ST8SIA1: variants seen among roughly 807,000 people sequenced by gnomAD.
ST8SIA1 encodes the protein ST8 alpha-N-acetyl-neuraminide alpha-2,8-sialyltransferase 1.
ST8SIA1 carries 16 observed loss-of-function variants against 35.9 expected under a neutral mutation model. The observed-to-expected ratio is 0.45, with a 90% CI of 0.30 to 0.68. ST8SIA1 has a LOEUF of 0.68. Ranked by LOEUF, ST8SIA1 falls within the 30% of genes least tolerant of loss-of-function variation. ST8SIA1 has a pLI of 0.09. For synonymous variants in ST8SIA1, 170 were observed against 169.6 expected (o/e 1.00, Z -0.02); for missense variants, 383 against 453.6 (o/e 0.84, Z 1.41).
Position 22,201,437 on chromosome 12 carries a change from C to T in ST8SIA1, c.*115G>A. ...TGCTTGGATCTTCATTGCTCCTTTC[C>T]TGTTTTTCCAAGGGCCCATGCAAAC... On this transcript the variant is annotated 3_prime_UTR_variant, in exon 5 of 5. Transcript: ENST00000396037. 7.2e-7 allele frequency: 1 copy of T among 1,392,256 alleles called. No homozygotes were observed. Among genetic ancestry groups the T allele is most frequent in the Non-Finnish European group, 9.6e-7 (1 of 1,036,406 alleles). The allele number at this position is 1,392,256 out of a possible 1,614,324, so 86.2% of individuals were successfully genotyped here.
At chr12:22,274,783 A>G (rs756249933) in intron 2 of ST8SIA1, among the ~76,000 whole-genome samples, 1 of 152,184 alleles carries the variant, frequency 6.6e-6, no homozygotes, top group Non-Finnish European at 1.5e-5. Flanking sequence ...ATGTGGGTGC[A>G]AAGGTTTTGG....
Position 22,249,051 on chromosome 12 carries a change from G to C in ST8SIA1, c.539C>G (p.Ser180Cys), listed in dbSNP as rs778864584. 9 of 1,613,860 alleles carry C rather than the reference G, an allele frequency of 5.6e-6. No individual in the cohort carries two copies. In the South Asian group the frequency reaches 9.9e-5, roughly 18 times the overall value. ...LSSEYTKDVG[S>C]KSQLVTANPS... Reference sequence around the variant, plus strand: ...ATTAGCTGTCACTAACTGACTTTTGGATCCAACATCCTTAGTGTATTCACT... The same window carrying C: ...ATTAGCTGTCACTAACTGACTTTTGCATCCAACATCCTTAGTGTATTCACT... Residue 180 changes from serine (S) to cysteine (C), a missense_variant, in exon 4 of 5, where the codon TCC becomes TGC. Transcript: ENST00000396037.
At position 22,334,469 on chromosome 12, in the gene ST8SIA1, G is replaced by A; in HGVS notation, c.-237C>T. On this transcript the variant is annotated 5_prime_UTR_variant, in exon 1 of 5. Coordinates refer to ENST00000396037, the MANE Select transcript of ST8SIA1 (RefSeq NM_003034.4). ...GGGAAGTGGCTGGGGGTGAAGTCAC[G>A]ATCTATGGCCATGGTCGCTTCCCCT... is the stretch of plus-strand genomic sequence containing the variant. The A allele has an allele frequency of 1.7e-6, 1 of 572,268 alleles. No homozygotes were observed. The highest frequency in any genetic ancestry group is 3.1e-6 in the Non-Finnish European group (1 of 320,756). The allele number at this position is 572,268 out of a possible 1,614,324, so 35.4% of individuals were successfully genotyped here.
At chr12:22,287,077 C>T in intron 2 of ST8SIA1, 72 bp downstream of exon 2, 1 of 1,431,720 alleles carries the variant, frequency 7.0e-7, no homozygotes, top group East Asian at 2.3e-5. Context: ...GTAAGGCAAA[C>T]TCAATTATCC....
chr12:22,322,370 T>C (rs749264768), intron 1 of ST8SIA1, among the ~76,000 whole-genome samples: 6 of 152,194 alleles, frequency 3.9e-5, no homozygotes, highest in South Asian at 2.1e-4. Context: ...GCCTGGCACA[T>C]AGAAGGCATC....
At chr12:22,223,566 A>AT in intron 4 of ST8SIA1, 3 of 1,047,598 alleles carry the variant, frequency 2.9e-6, no homozygotes, top group Non-Finnish European at 2.3e-6. Context: ...ACAGGGGCCC[A>AT]TTTTTCAAGC....
chr12:22,214,765 A>C (rs1865217348), intron 4 of ST8SIA1, among the ~76,000 whole-genome samples: 1 of 152,218 alleles, frequency 6.6e-6, no homozygotes, highest in Non-Finnish European at 1.5e-5. Context: ...TTACAGAAAT[A>C]ATCAACAAAT....
chr12:22,301,957 CA>C (rs1170956684), intron 1 of ST8SIA1, among the ~76,000 whole-genome samples: 1 of 151,992 alleles, frequency 6.6e-6, no homozygotes, highest in Non-Finnish European at 1.5e-5. Flanking sequence ...CCATCAAAGC[CA>C]ATATAAAAAG....
chr12:22,285,650 T>A (rs1197665467), intron 2 of ST8SIA1, among the ~76,000 whole-genome samples: 1 of 152,054 alleles, frequency 6.6e-6, no homozygotes, highest in Non-Finnish European at 1.5e-5. Context: ...GGTGGGCAGA[T>A]CACTTGAGGT....
At chr12:22,307,523 C>A in intron 1 of ST8SIA1, among the ~76,000 whole-genome samples, 1 of 152,242 alleles carries the variant, frequency 6.6e-6, no homozygotes, top group East Asian at 1.9e-4. Flanking sequence ...TGGGAAAGGG[C>A]AACTCCTTGC....
intron 1 of ST8SIA1, among the ~76,000 whole-genome samples, chr12:22,307,445 C>T (rs1028834278): frequency 6.6e-6 from 1 of 152,146 alleles, no homozygotes; most frequent in African/African-American, 2.4e-5. Context: ...CAGGATACGA[C>T]CTTTCCTGTC....
chr12:22,310,206 G>A (rs1029898277), intron 1 of ST8SIA1, among the ~76,000 whole-genome samples: 1 of 152,180 alleles, frequency 6.6e-6, no homozygotes, highest in Non-Finnish European at 1.5e-5. Flanking sequence ...CATAGGAAGT[G>A]CCCATCAATA....
Position 22,195,729 on chromosome 12 carries a change from C to T in ST8SIA1, c.*5823G>A, listed in dbSNP as rs1368173086. 6.6e-6 allele frequency: 1 copy of T among 152,194 alleles called. No homozygotes were observed. 9.4% of individuals were successfully genotyped at this position (152,194 alleles called of 1,614,324 possible). On this transcript the variant is annotated 3_prime_UTR_variant, in exon 5 of 5. Transcript: ENST00000396037. ...TGCTGAACTCTCTTCTGAGATCACT[C>T]CCAATCATCTTTTCAAATTAAAACC...
chr12:22,249,480 A>G (rs1055817701), intron 3 of ST8SIA1, among the ~76,000 whole-genome samples: 5 of 152,154 alleles, frequency 3.3e-5, no homozygotes, highest in African/African-American at 1.2e-4. Flanking sequence ...TTGGCCTCCC[A>G]AAGTACTGGG....
intron 1 of ST8SIA1, chr12:22,325,728 T>C: frequency 1.6e-6 from 1 of 621,444 alleles, no homozygotes; most frequent in Non-Finnish European, 2.8e-6. Context: ...AAATTTGATT[T>C]ATAAATTAGG....
At chr12:22,303,825 GCCA>G (rs199601161) in intron 1 of ST8SIA1, among the ~76,000 whole-genome samples, 2 of 134,264 alleles carry the variant, frequency 1.5e-5, no homozygotes, top group East Asian at 2.2e-4. Context: ...AATCCGCCCC[GCCA>G]CCACCACCAC....
chr12:22,268,057 A>G (rs2135804357), intron 2 of ST8SIA1, among the ~76,000 whole-genome samples: 1 of 152,304 alleles, frequency 6.6e-6, no homozygotes, highest in East Asian at 1.9e-4. Flanking sequence ...CCCATCTTCC[A>G]CAACAGCGAA....
Position 22,198,819 on chromosome 12 carries a change from G to C in ST8SIA1, c.*2733C>G, listed in dbSNP as rs888009980. ...AGCCTGGATAATTATTTTGCTGTGA[G>C]AGGCTGACTTGTGCATTGTAAGATC... is the stretch of plus-strand genomic sequence containing the variant. On this transcript the variant is annotated 3_prime_UTR_variant, in exon 5 of 5. Coordinates refer to ENST00000396037, the MANE Select transcript of ST8SIA1 (RefSeq NM_003034.4). The C allele has an allele frequency of 1.3e-5, 2 of 152,272 alleles. No individual in the cohort carries two copies. 9.4% of individuals were successfully genotyped at this position (152,272 alleles called of 1,614,324 possible).
At chr12:22,287,619 G>A (rs1202321484) in intron 1 of ST8SIA1, among the ~76,000 whole-genome samples, 1 of 152,092 alleles carries the variant, frequency 6.6e-6, no homozygotes, top group Non-Finnish European at 1.5e-5. Flanking sequence ...TAAACATCCA[G>A]GTCCAGAAAA....
Sources: gnomAD v4.1 joint callset for allele counts (sites outside exome capture counted in the v4.1 genomes callset) on GRCh38, gnomAD v4.1.1 for gene constraint, MANE v1.5 for transcripts, NCBI Gene and HGNC (gene_info 2026-07-23, HGNC 2026-07-21) for gene names.